The following PLA2G4A variants were observed in gnomAD, a reference collection of about 807,000 sequenced individuals.
PLA2G4A encodes the protein cytosolic phospholipase A2.
PLA2G4A carries 40 observed loss-of-function variants against 81.9 expected under a neutral mutation model. The observed-to-expected ratio is 0.49, with a 90% CI of 0.38 to 0.64. The LOEUF is 0.64. Among genes scored for constraint, PLA2G4A ranks in the 30% least tolerant of loss-of-function variants. PLA2G4A has a pLI of 0.00. For synonymous variants in PLA2G4A, 302 were observed against 296.9 expected, an observed-to-expected ratio of 1.02 and a Z score of -0.18; for missense variants, 715 against 905.1, an observed-to-expected ratio of 0.79 and a Z score of 2.69.
chr1:186,936,440 C>T (rs1170183217), intron 8 of PLA2G4A, among the ~76,000 whole-genome samples: 3 of 151,876 alleles, frequency 2.0e-5, no homozygotes, highest in African/African-American at 7.2e-5. Context: ...TGCTTAATCA[C>T]TGAATGAAGA....
chr1:186,900,002 C>T (rs1406806939), intron 5 of PLA2G4A, among the ~76,000 whole-genome samples: 2 of 138,784 alleles, frequency 1.4e-5, no homozygotes, highest in African/African-American at 4.9e-5. Context: ...TTTTATCACT[C>T]AACTTTTATA....
chr1:186,974,048 G>GTA (rs144643061), intron 15 of PLA2G4A, among the ~76,000 whole-genome samples: 3,208 of 151,394 alleles, frequency 0.021, 103 homozygotes, highest in African/African-American at 0.072. Flanking sequence ...ATTATTTTAT[G>GTA]TATATATGTA....
intron 1 of PLA2G4A, among the ~76,000 whole-genome samples, chr1:186,842,992 G>A (rs1652043708): frequency 6.6e-6 from 1 of 152,092 alleles, no homozygotes; most frequent in African/African-American, 2.4e-5. Context: ...ACATAGAAAG[G>A]GGATTCTAGG....
Position 186,958,265 on chromosome 1 carries a change from A to C in PLA2G4A, c.1579+1921A>C, listed in dbSNP as rs1185361952. Among the ~76,000 whole-genome samples the C allele has an allele frequency of 4.6e-5, 7 of 152,232 alleles. No individual in the cohort carries two copies. In the East Asian group the frequency reaches 1.2e-3, roughly 25 times the overall value. ...TATATAGCATATTAACTAATATATT[A>C]ACTATAATGAAATTCTAATTGTTAT... On this transcript the variant is annotated intron_variant, in intron 14 of 17. Coordinates refer to ENST00000367466, the MANE Select transcript of PLA2G4A (RefSeq NM_024420.3).
chr1:186,937,031 T>G (rs1348532913), intron 8 of PLA2G4A, among the ~76,000 whole-genome samples: 6 of 146,040 alleles, frequency 4.1e-5, no homozygotes, highest in Admixed American at 2.7e-4. Context: ...CTTTTATGTT[T>G]TTTTTTTTTT....
rs118141523 is a variant in PLA2G4A, at chr1:186,868,733, A to G, written c.34-1702A>G. ...AGATATGCACCTATTTAGATTGTCT[A>G]TTTCTTCTTATGTAAATTTTGGTAG... On this transcript the variant is annotated intron_variant, in intron 2 of 17. Coordinates refer to ENST00000367466, the MANE Select transcript of PLA2G4A (RefSeq NM_024420.3). Among the ~76,000 whole-genome samples the G allele has an allele frequency of 1.1e-3, 167 of 152,232 alleles. 4 individuals are homozygous for G. The East Asian group carries it at 0.029, about 27-fold the overall frequency.
chr1:186,839,965 C>CTTTTTTTTTT (rs61704569), intron 1 of PLA2G4A, among the ~76,000 whole-genome samples: 1 of 75,020 alleles, frequency 1.3e-5, no homozygotes, highest in African/African-American at 5.9e-5. Flanking sequence ...TAATTGACTT[C>CTTTTTTTTTT]TTTTTTTTTT....
intron 1 of PLA2G4A, among the ~76,000 whole-genome samples, chr1:186,830,970 C>A (rs1268192979): frequency 2.8e-5 from 3 of 107,262 alleles, no homozygotes; most frequent in African/African-American, 7.7e-5. Flanking sequence ...TTCTTTCTTT[C>A]TTTCTTTCTT....
intron 1 of PLA2G4A, among the ~76,000 whole-genome samples, chr1:186,851,871 T>G (rs1652385014): frequency 6.6e-6 from 1 of 151,996 alleles, no homozygotes; most frequent in African/African-American, 2.4e-5. Context: ...GTGTGTAATA[T>G]GTAGTTAATT....
chr1:186,971,336 A>G (rs188268259), intron 15 of PLA2G4A, among the ~76,000 whole-genome samples: 20 of 152,044 alleles, frequency 1.3e-4, no homozygotes, highest in Admixed American at 8.5e-4. Flanking sequence ...CATGTCTCCA[A>G]TCACTCCTTC....
At chr1:186,886,723 G>A (rs1195717220) in intron 3 of PLA2G4A, among the ~76,000 whole-genome samples, 6 of 152,080 alleles carry the variant, frequency 3.9e-5, no homozygotes, top group Non-Finnish European at 8.8e-5. Flanking sequence ...TTTTCTCGTG[G>A]CCATTTGAAA....
chr1:186,872,209 A>G (rs1653298787), intron 3 of PLA2G4A, among the ~76,000 whole-genome samples: 1 of 152,074 alleles, frequency 6.6e-6, no homozygotes, highest in African/African-American at 2.4e-5. Flanking sequence ...ATTTTTCTGA[A>G]GTTATTCTTA....
intron 1 of PLA2G4A, among the ~76,000 whole-genome samples, chr1:186,830,936 A>AGCTTGCTTGCTTGCTT (rs148614012): frequency 2.7e-4 from 34 of 127,030 alleles, no homozygotes; most frequent in African/African-American, 6.9e-4. Flanking sequence ...CAGATTGTAT[A>AGCTTGCTTGCTTGCTT]GCTTGCTTGC....
chr1:186,836,195 T>A (rs1651770354), intron 1 of PLA2G4A, among the ~76,000 whole-genome samples: 1 of 151,450 alleles, frequency 6.6e-6, no homozygotes, highest in Non-Finnish European at 1.5e-5. Flanking sequence ...TACCCCAGTA[T>A]TAATATATAG....
At chr1:186,980,026 C>G (rs12720694) in intron 17 of PLA2G4A, among the ~76,000 whole-genome samples, 1,415 of 140,824 alleles carry the variant, frequency 0.01, 18 homozygotes, top group African/African-American at 0.033. Context: ...CGGCTCACTG[C>G]AAGCTCCGCC....
intron 6 of PLA2G4A, among the ~76,000 whole-genome samples, chr1:186,908,577 A>G (rs1654821912): frequency 6.6e-6 from 1 of 152,122 alleles, no homozygotes; most frequent in African/African-American, 2.4e-5. Context: ...TCATACACGT[A>G]TACCACATGT....
chr1:186,950,696 CG>C lies in PLA2G4A; in HGVS notation c.1306del (p.Asp436ThrfsTer33). The C allele has an allele frequency of 6.2e-7, 1 of 1,604,856 alleles. No individual in the cohort carries two copies. Among genetic ancestry groups the C allele is most frequent in the Non-Finnish European group, 8.5e-7 (1 of 1,171,942 alleles). On this transcript the variant is annotated frameshift_variant, in exon 13 of 18. Transcript: ENST00000367466. LOFTEE classifies it high-confidence loss of function. ...TTKHIVSNDS[S>X]DSDDESHEPK... ...AAGCATATTGTGAGTAATGATAGCT[CG>C]GACAGTGATGATGAATCACACGAAC... is the stretch of plus-strand genomic sequence containing the variant.
intron 7 of PLA2G4A, among the ~76,000 whole-genome samples, chr1:186,912,518 C>T (rs1654983887): frequency 6.6e-6 from 1 of 151,920 alleles, no homozygotes; most frequent in Non-Finnish European, 1.5e-5. Context: ...ATAGCTTTGC[C>T]TTTTGTTAGT....
intron 7 of PLA2G4A, among the ~76,000 whole-genome samples, chr1:186,923,530 G>A (rs1655439015): frequency 6.6e-6 from 1 of 152,232 alleles, no homozygotes; most frequent in South Asian, 2.1e-4. Context: ...CTTCCTTAGT[G>A]ATTTTAAAGC....
Sources: allele counts gnomAD v4.1 joint callset (sites outside exome capture counted in the v4.1 genomes callset), GRCh38; gene constraint gnomAD v4.1.1; transcripts MANE v1.5; gene names NCBI Gene and HGNC (gene_info 2026-07-23, HGNC 2026-07-21).